ADGRE1: variants seen among roughly 807,000 people sequenced by gnomAD.
The protein encoded by ADGRE1 is EGF-like module receptor 1.
In ADGRE1, 82 loss-of-function variants were observed where a neutral mutation model predicts 102.7. That is an observed-to-expected ratio of 0.80 (90% confidence interval 0.67 to 0.96). The LOEUF is 0.96. Ranked by LOEUF, ADGRE1 falls within the 40% of genes least tolerant of loss-of-function variation. The probability of loss-of-function intolerance (pLI) is 0.00; values close to 1 mark genes in which losing one functional copy is unlikely to be tolerated. For missense variants in ADGRE1, 1,032 were observed against 1,085.3 expected (o/e 0.95, Z 0.69); for synonymous variants, 398 against 399.6 (o/e 1.00, Z 0.05).
At chr19:6,928,907 C>A (rs917217347) in intron 17 of ADGRE1, among the ~76,000 whole-genome samples, 2 of 150,928 alleles carry the variant, frequency 1.3e-5, no homozygotes, top group African/African-American at 4.9e-5. Flanking sequence ...CCATTGCACT[C>A]CAGCCTAGGC....
chr19:6,899,928 T>G lies in ADGRE1; in HGVS notation c.515-1947T>G, dbSNP rs898792118. ...TAACAAGGTGAAACCCCGTCTCTAC[T>G]AAAAATACAAAAAAAAATAGCTGGG... On this transcript the variant is annotated intron_variant, in intron 5 of 20. Coordinates refer to ENST00000312053, the MANE Select transcript of ADGRE1 (RefSeq NM_001974.5). Among the ~76,000 whole-genome samples the G allele has an allele frequency of 1.6e-4, 24 of 149,946 alleles. 1 individual carries two copies. Among genetic ancestry groups the G allele is most frequent in the Admixed American group, 2.7e-4 (4 of 15,022 alleles).
chr19:6,916,447 G>C, intron 12 of ADGRE1, 79 bp downstream of exon 12: 1 of 1,525,250 alleles, frequency 6.6e-7, no homozygotes, highest in Non-Finnish European at 8.8e-7. Context: ...TAGGTGCCAA[G>C]ACCAGTGCCA....
intron 17 of ADGRE1, among the ~76,000 whole-genome samples, chr19:6,934,041 C>T (rs892468816): frequency 7.2e-5 from 11 of 152,064 alleles, no homozygotes; most frequent in African/African-American, 2.2e-4. Context: ...CTGTTTATTC[C>T]GAGATTTCTG....
intron 5 of ADGRE1, 154 bp downstream of exon 5, chr19:6,897,701 C>A: frequency 1.3e-6 from 1 of 777,328 alleles, no homozygotes; most frequent in Non-Finnish European, 1.8e-6. Context: ...CTTTTTCTAT[C>A]CCTTTACTTT....
chr19:6,906,789 T>C (rs2144924669), intron 9 of ADGRE1, among the ~76,000 whole-genome samples: 1 of 152,212 alleles, frequency 6.6e-6, no homozygotes. Flanking sequence ...CATTCCAGCT[T>C]GTGGGAAGGG....
At chr19:6,920,597 C>T (rs1192706368) in intron 13 of ADGRE1, among the ~76,000 whole-genome samples, 2 of 127,708 alleles carry the variant, frequency 1.6e-5, no homozygotes, top group African/African-American at 5.6e-5. Context: ...AACCTTGGCT[C>T]ACTGCAACCC....
Position 6,906,534 on chromosome 19 carries a change from T to G in ADGRE1, c.1038+13T>G. 1 of 1,609,778 alleles carries G rather than the reference T, an allele frequency of 6.2e-7. No individual in the cohort carries two copies. The highest frequency in any genetic ancestry group is 8.5e-7 in the Non-Finnish European group (1 of 1,177,696). On this transcript the variant is annotated intron_variant, in intron 9 of 20. Transcript: ENST00000312053. ...GAAACCTGCATATGCAAGTATTTTT[T>G]AAGGTTCCTAGTTTTTGAGGTTTTC...
chr19:6,888,093 G>C (rs537449293), intron 1 of ADGRE1, among the ~76,000 whole-genome samples: 62 of 152,214 alleles, frequency 4.1e-4, no homozygotes, highest in African/African-American at 1.5e-3. Flanking sequence ...TTGCAAATGA[G>C]AAAACTGAGG....
intron 10 of ADGRE1, among the ~76,000 whole-genome samples, chr19:6,911,840 A>AC (rs1491019381): frequency 6.8e-6 from 1 of 147,752 alleles, no homozygotes. Flanking sequence ...ATACACACAC[A>AC]CCCCACACAC....
At chr19:6,928,020 A>T (rs1337049164) in intron 16 of ADGRE1, 125 bp from the exon 17 acceptor site, 3 of 1,225,352 alleles carry the variant, frequency 2.4e-6, no homozygotes, top group Non-Finnish European at 3.4e-6. Flanking sequence ...AACCGGGACC[A>T]TCCTGAGCAT....
intron 2 of ADGRE1, chr19:6,896,152 G>T: frequency 2.4e-6 from 1 of 414,772 alleles, no homozygotes; most frequent in Non-Finnish European, 4.4e-6. Flanking sequence ...TTCTTATAAG[G>T]ACACCTGTGG....
rs530654257 is a variant in ADGRE1, at chr19:6,936,563, C to T, written c.2382-680C>T. On this transcript the variant is annotated intron_variant, in intron 18 of 20. Coordinates refer to ENST00000312053, the MANE Select transcript of ADGRE1 (RefSeq NM_001974.5). Reference sequence around the variant, plus strand: ...TTTAACCATTTTAAAGCGTGTAACTCGGTGGCTTTTCGTACATTCACAGTG... The same window carrying T: ...TTTAACCATTTTAAAGCGTGTAACTTGGTGGCTTTTCGTACATTCACAGTG... Among the ~76,000 whole-genome samples, 12 of 151,066 alleles carry T rather than the reference C, an allele frequency of 7.9e-5. No individual in the cohort carries two copies. The South Asian group carries it at 1.5e-3, about 18-fold the overall frequency.
intron 1 of ADGRE1, 128 bp downstream of exon 1, chr19:6,887,767 C>A: frequency 1.0e-6 from 1 of 988,852 alleles, no homozygotes; most frequent in Non-Finnish European, 1.5e-6. Flanking sequence ...CAAACACCTT[C>A]ATTCAGGGAA....
intron 20 of ADGRE1, among the ~76,000 whole-genome samples, chr19:6,938,382 T>C (rs2145046245): frequency 6.6e-6 from 1 of 152,280 alleles, no homozygotes; most frequent in East Asian, 1.9e-4. Context: ...TGTATATTTA[T>C]ATAGAGAAAA....
intron 6 of ADGRE1, among the ~76,000 whole-genome samples, chr19:6,902,376 C>T (rs1973795513): frequency 6.6e-6 from 1 of 151,930 alleles, no homozygotes; most frequent in Non-Finnish European, 1.5e-5. Context: ...TGTTCTCAAC[C>T]CCTCCACTGT....
intron 20 of ADGRE1, among the ~76,000 whole-genome samples, chr19:6,938,276 G>A (rs1358268510): frequency 6.6e-6 from 1 of 152,072 alleles, no homozygotes; most frequent in African/African-American, 2.4e-5. Flanking sequence ...GGCGGAGGTT[G>A]CAGTGAGCAG....
intron 8 of ADGRE1, among the ~76,000 whole-genome samples, chr19:6,905,947 T>TA (rs1032351942): frequency 2.0e-5 from 3 of 152,154 alleles, no homozygotes; most frequent in African/African-American, 7.2e-5. Flanking sequence ...TTTCCCTACT[T>TA]AAAAAAATAT....
intron 13 of ADGRE1, among the ~76,000 whole-genome samples, chr19:6,921,460 A>G (rs1974664805): frequency 6.6e-6 from 1 of 152,210 alleles, no homozygotes; most frequent in Non-Finnish European, 1.5e-5. Context: ...GAATAAGTGA[A>G]TAATGAGTGA....
chr19:6,916,331 G>A lies in ADGRE1; in HGVS notation c.1383G>A (p.Lys461=), dbSNP rs1974382425. Residue 461 remains lysine (K), a synonymous_variant, in exon 12 of 21, where the codon AAG becomes AAA. Transcript: ENST00000312053. ...LDLVAKGDKM[K]IGCSTIEESE... is the part of the protein sequence containing the mutation. ...TGGTAGCCAAGGGGGATAAGATGAA[G>A]ATCGGGTGTTCCACAATTGAGGAAT... 1 of 1,613,596 alleles carries A rather than the reference G, an allele frequency of 6.2e-7. No homozygotes were observed. Among genetic ancestry groups the A allele is most frequent in the Non-Finnish European group, 8.5e-7 (1 of 1,179,772 alleles).
Sources: gnomAD v4.1 joint callset for allele counts (sites outside exome capture counted in the v4.1 genomes callset) on GRCh38, gnomAD v4.1.1 for gene constraint, MANE v1.5 for transcripts, NCBI Gene and HGNC (gene_info 2026-07-23, HGNC 2026-07-21) for gene names.